FARP1: variants seen among roughly 807,000 people sequenced by gnomAD.
The protein encoded by FARP1 is FERM, ARH/RhoGEF and pleckstrin domain protein 1, also known as FERM, ARHGEF and pleckstrin domain-containing protein 1.
Under a neutral mutation model 128.8 loss-of-function variants are expected in FARP1, and 52 were observed. That is an observed-to-expected ratio of 0.40 (90% CI 0.32 to 0.51). The LOEUF (loss-of-function observed/expected upper bound fraction) is 0.51, where lower values mean the gene tolerates loss of function less well. Ranked by LOEUF, FARP1 falls within the 20% of genes least tolerant of loss-of-function variation. The pLI is 0.45. For missense variants in FARP1, 1,333 were observed against 1,367.9 expected (o/e 0.97, Z 0.40); for synonymous variants, 580 against 551.8 (o/e 1.05, Z -0.72).
chr13:98,220,504 T>C (rs1328549718), intron 2 of FARP1, among the ~76,000 whole-genome samples: 3 of 152,224 alleles, frequency 2.0e-5, no homozygotes, highest in Non-Finnish European at 2.9e-5. Context: ...TGGCTCCTTT[T>C]ATTTGCAAAG....
intron 2 of FARP1, among the ~76,000 whole-genome samples, chr13:98,322,767 T>C (rs555731679): frequency 2.0e-5 from 3 of 152,330 alleles, no homozygotes; most frequent in African/African-American, 7.2e-5. Context: ...TTCACGGTTA[T>C]AATAACCATC....
At chr13:98,373,924 T>C (rs1425185865) in intron 5 of FARP1, among the ~76,000 whole-genome samples, 2 of 152,234 alleles carry the variant, frequency 1.3e-5, no homozygotes, top group African/African-American at 4.8e-5. Flanking sequence ...ATAATAGTAG[T>C]AAACATACAT....
chr13:98,411,797 C>G (rs746672318), intron 15 of FARP1, 104 bp from the exon 16 acceptor site: 2 of 1,279,130 alleles, frequency 1.6e-6, no homozygotes, highest in South Asian at 1.4e-5. Flanking sequence ...CAGGAAAGCC[C>G]TGGCTCCTCC....
rs548545333 is a variant in FARP1, at chr13:98,378,985, AAT to A, written c.496+1077_496+1078del. Among the ~76,000 whole-genome samples the A allele has an allele frequency of 2.9e-3, 256 of 87,732 alleles. 23 individuals are homozygous for A. The highest frequency in any genetic ancestry group is 0.016 in the African/African-American group (207 of 12,882). 57.6% of individuals were successfully genotyped at this position (87,732 alleles called of 152,430 possible). On this transcript the variant is annotated intron_variant, in intron 6 of 26. Coordinates refer to ENST00000319562, the MANE Select transcript of FARP1 (RefSeq NM_005766.4). ...TATATACAATATATAATCTATATAT[AAT>A]ATATATATAATATATACAATATATA...
intron 2 of FARP1, among the ~76,000 whole-genome samples, chr13:98,296,173 A>ATC (rs1292397266): frequency 6.6e-6 from 1 of 152,174 alleles, no homozygotes; most frequent in African/African-American, 2.4e-5. Context: ...ACTCTAGCAG[A>ATC]TCTGTGTCTT....
chr13:98,410,624 A>T, intron 14 of FARP1, 110 bp from the exon 15 acceptor site: 1 of 558,824 alleles, frequency 1.8e-6, no homozygotes, highest in Non-Finnish European at 3.3e-6. Context: ...TGTTGATGCC[A>T]GCTAACAAAA....
At chr13:98,345,000 A>G (rs1449277474) in intron 3 of FARP1, among the ~76,000 whole-genome samples, 1 of 152,198 alleles carries the variant, frequency 6.6e-6, no homozygotes, top group African/African-American at 2.4e-5. Flanking sequence ...ATGAAAGGTG[A>G]GATAAAGTGA....
chr13:98,224,526 C>CAAAAAAA (rs1203238924), intron 2 of FARP1, among the ~76,000 whole-genome samples: 3 of 50,266 alleles, frequency 6.0e-5, no homozygotes, highest in Admixed American at 2.3e-4. Flanking sequence ...GACTCTGTCT[C>CAAAAAAA]AAAAAAAAAA....
At chr13:98,425,090 A>G (rs1453185266) in intron 17 of FARP1, among the ~76,000 whole-genome samples, 3 of 152,130 alleles carry the variant, frequency 2.0e-5, no homozygotes, top group Admixed American at 2.0e-4. Context: ...ATTTCAAAGC[A>G]TGAATGAAAA....
intron 2 of FARP1, among the ~76,000 whole-genome samples, chr13:98,286,106 G>A (rs1239532013): frequency 1.1e-4 from 16 of 152,132 alleles, no homozygotes; most frequent in Admixed American, 2.6e-4. Flanking sequence ...TGGCCTCACT[G>A]TCCCTTCCAC....
At chr13:98,379,686 A>G (rs1325505921) in intron 6 of FARP1, among the ~76,000 whole-genome samples, 2 of 152,194 alleles carry the variant, frequency 1.3e-5, no homozygotes, top group South Asian at 4.1e-4. Flanking sequence ...ACCTACATAT[A>G]TCCTCCCATA....
chr13:98,447,479 A>T (rs1275815039), intron 26 of FARP1: 2 of 152,440 alleles, frequency 1.3e-5, no homozygotes, highest in Non-Finnish European at 2.9e-5. Context: ...CCAGCCTTGC[A>T]GTCCAGATCC....
chr13:98,404,429 C>T (rs1025480078), intron 13 of FARP1: 10 of 152,124 alleles, frequency 6.6e-5, no homozygotes, highest in South Asian at 2.1e-4. Flanking sequence ...AGATATCAGA[C>T]GCTAGTGAGT....
chr13:98,393,562 G>A lies in FARP1; in HGVS notation c.1089-81G>A. The A allele has an allele frequency of 5.4e-6, 6 of 1,112,034 alleles. No individual in the cohort carries two copies. In the South Asian group the frequency reaches 6.5e-5, roughly 12 times the overall value. 68.9% of individuals were successfully genotyped at this position (1,112,034 alleles called of 1,614,324 possible). On this transcript the variant is annotated intron_variant, in intron 11 of 26. Coordinates refer to ENST00000319562, the MANE Select transcript of FARP1 (RefSeq NM_005766.4). ...GAAGGCACTAATACGTCCAACAAAA[G>A]GACTTTTGTTTCATTTAAAACCAAG...
intron 1 of FARP1, among the ~76,000 whole-genome samples, chr13:98,160,656 A>T (rs747461765): frequency 2.6e-5 from 4 of 151,984 alleles, no homozygotes; most frequent in Non-Finnish European, 4.4e-5. Context: ...ATTTTTAAAA[A>T]TTTTTTTAAT....
At chr13:98,149,289 ATTAGT>A (rs1335164785) in intron 1 of FARP1, among the ~76,000 whole-genome samples, 2 of 150,418 alleles carry the variant, frequency 1.3e-5, no homozygotes, top group East Asian at 3.9e-4. Context: ...CATCCTCTTT[ATTAGT>A]TTATTTTCTG....
intron 3 of FARP1, among the ~76,000 whole-genome samples, chr13:98,349,782 C>T (rs1310833345): frequency 1.3e-5 from 2 of 150,984 alleles, no homozygotes; most frequent in Non-Finnish European, 2.9e-5. Flanking sequence ...AGAAGATTGG[C>T]ACCTTGTCAT....
chr13:98,166,131 C>G (rs768725050), intron 1 of FARP1, among the ~76,000 whole-genome samples: 1 of 152,166 alleles, frequency 6.6e-6, no homozygotes, highest in Non-Finnish European at 1.5e-5. Context: ...CATATTAGTA[C>G]ATACAGATTG....
In FARP1 at chr13:98,379,192, A is replaced by C. The variant is rs1398038056; in HGVS notation, c.496+1274A>C. On this transcript the variant is annotated intron_variant, in intron 6 of 26. Coordinates refer to ENST00000319562, the MANE Select transcript of FARP1 (RefSeq NM_005766.4). Reference sequence around the variant, plus strand: ...ATAATCTATATATAATATATATAATATATAATATATATATAATATATAATA... The same window carrying C: ...ATAATCTATATATAATATATATAATCTATAATATATATATAATATATAATA... 3.0e-4 allele frequency among the ~76,000 whole-genome samples: 23 copies of C among 76,678 alleles called. 5 individuals are homozygous for C. The highest frequency in any genetic ancestry group is 9.3e-4 in the Admixed American group (6 of 6,442). 50.3% of individuals were successfully genotyped at this position (76,678 alleles called of 152,430 possible). A position where few individuals can be genotyped will look rare whatever the true frequency, so the allele number is the denominator to read the frequency against.
Sources: gnomAD v4.1 joint callset for allele counts (sites outside exome capture counted in the v4.1 genomes callset) on GRCh38, gnomAD v4.1.1 for gene constraint, MANE v1.5 for transcripts, NCBI Gene and HGNC (gene_info 2026-07-23, HGNC 2026-07-21) for gene names.